Variants in DPP6 observed in about 807,000 individuals in gnomAD.
DPP6 encodes the protein A-type potassium channel modulatory protein DPP6.
Under a neutral mutation model 122.6 loss-of-function variants are expected in DPP6, and 69 were observed. The observed-to-expected ratio is 0.56, with a 90% CI of 0.46 to 0.69. The LOEUF is 0.69. Ranked by LOEUF, DPP6 falls within the 30% of genes least tolerant of loss-of-function variation. The pLI is 0.00. For missense variants in DPP6, 928 were observed against 1,116.9 expected, an observed-to-expected ratio of 0.83 and a Z score of 2.41; for synonymous variants, 418 against 433.1, an observed-to-expected ratio of 0.97 and a Z score of 0.43.
chr7:153,870,782 T>C, the DPP6 span, among the ~76,000 whole-genome samples: 1 of 152,252 alleles, frequency 6.6e-6, no homozygotes, highest in African/African-American at 2.4e-5. Context: ...TTTGTGGTTT[T>C]ATCTACCTTT....
chr7:153,895,762 AC>A (rs1354030940), intron 1 of DPP6, among the ~76,000 whole-genome samples: 11 of 136,922 alleles, frequency 8.0e-5, no homozygotes, highest in Non-Finnish European at 3.2e-5. Flanking sequence ...ACACACACAC[AC>A]AATGTTCATA....
intron 7 of DPP6, among the ~76,000 whole-genome samples, chr7:154,702,636 A>G (rs1840589039): frequency 6.6e-6 from 1 of 152,242 alleles, no homozygotes; most frequent in Admixed American, 6.5e-5. Flanking sequence ...TGTGAAGGCC[A>G]AGGGAGGTAA....
chr7:154,154,385 T>C (rs78939295), intron 1 of DPP6, among the ~76,000 whole-genome samples: 1 of 152,066 alleles, frequency 6.6e-6, no homozygotes, highest in Admixed American at 6.5e-5. Context: ...CTCTGGACAA[T>C]AATAATGATA....
chr7:153,973,632 CGTGTGTGTGTGTGT>C (rs773321136), intron 1 of DPP6, among the ~76,000 whole-genome samples: 145 of 113,514 alleles, frequency 1.3e-3, no homozygotes, highest in African/African-American at 3.9e-3. Context: ...CACCATCGCT[CGTGTGTGTGTGTGT>C]GTGTGTGTGT....
At chr7:154,749,605 A>C (rs1329166403) in intron 8 of DPP6, among the ~76,000 whole-genome samples, 12 of 132,208 alleles carry the variant, frequency 9.1e-5, no homozygotes, top group African/African-American at 2.9e-4. Flanking sequence ...AGAGGGATGG[A>C]GGCTTTACTG....
At chr7:154,841,243 G>A (rs936087165) in intron 16 of DPP6, among the ~76,000 whole-genome samples, 8 of 152,244 alleles carry the variant, frequency 5.3e-5, no homozygotes, top group East Asian at 3.9e-4. Flanking sequence ...CAGTCGGGGC[G>A]AACGAAACAG....
chr7:154,788,264 C>T (rs531622985), intron 10 of DPP6, among the ~76,000 whole-genome samples: 31 of 151,984 alleles, frequency 2.0e-4, no homozygotes, highest in Admixed American at 1.0e-3. Context: ...GCCAACAAGG[C>T]GAAACCCCCT....
chr7:154,655,456 A>C (rs986444635), intron 6 of DPP6, among the ~76,000 whole-genome samples: 2 of 152,150 alleles, frequency 1.3e-5, no homozygotes, highest in Non-Finnish European at 2.9e-5. Context: ...ATCTCTACCC[A>C]GGAGATGATT....
At chr7:153,763,583 C>T in the DPP6 span, among the ~76,000 whole-genome samples, 3 of 152,058 alleles carry the variant, frequency 2.0e-5, no homozygotes, top group Non-Finnish European at 4.4e-5. Flanking sequence ...AGGAGATATA[C>T]TTTGGGGAGA....
intron 1 of DPP6, among the ~76,000 whole-genome samples, chr7:154,021,792 A>G (rs957565706): frequency 2.0e-5 from 3 of 152,076 alleles, no homozygotes; most frequent in African/African-American, 7.2e-5. Context: ...CAGCTCCTGG[A>G]CTCTAAGCCT....
chr7:153,762,223 A>G, the DPP6 span, among the ~76,000 whole-genome samples: 1 of 152,242 alleles, frequency 6.6e-6, no homozygotes, highest in African/African-American at 2.4e-5. Flanking sequence ...AATAGATTCT[A>G]ATTCCCTGCA....
At chr7:154,564,006 A>T (rs1408719757) in intron 4 of DPP6, among the ~76,000 whole-genome samples, 1 of 152,158 alleles carries the variant, frequency 6.6e-6, no homozygotes, top group Non-Finnish European at 1.5e-5. Context: ...GCTCAAGAAA[A>T]CAAGGAGAAG....
At chr7:154,887,127 T>C (rs1421203146) in intron 22 of DPP6, among the ~76,000 whole-genome samples, 2 of 152,176 alleles carry the variant, frequency 1.3e-5, no homozygotes, top group African/African-American at 4.8e-5. Context: ...CAGCCAGTCC[T>C]CTTCATTGTC....
intron 1 of DPP6, among the ~76,000 whole-genome samples, chr7:154,207,087 A>T (rs1177739267): frequency 1.3e-5 from 2 of 152,136 alleles, no homozygotes; most frequent in African/African-American, 2.4e-5. Context: ...GAAGAATTTG[A>T]TGAGGGCATT....
chr7:154,033,188 C>G (rs1799347671), intron 1 of DPP6, among the ~76,000 whole-genome samples: 2 of 152,212 alleles, frequency 1.3e-5, no homozygotes, highest in African/African-American at 4.8e-5. Context: ...GCCACCAGGG[C>G]TCCAGGGCCT....
chr7:154,538,281 C>T (rs1586573453), intron 3 of DPP6, among the ~76,000 whole-genome samples: 2 of 152,050 alleles, frequency 1.3e-5, no homozygotes, highest in Non-Finnish European at 2.9e-5. Flanking sequence ...GCAGGATGTG[C>T]AGGTTTGTAG....
At chr7:154,231,704 TG>T (rs1242556076) in intron 1 of DPP6, among the ~76,000 whole-genome samples, 1 of 152,088 alleles carries the variant, frequency 6.6e-6, no homozygotes, top group Non-Finnish European at 1.5e-5. Context: ...GACTACCTGT[TG>T]TCTCTCTCCT....
At chr7:154,458,357 C>T (rs961408740) in intron 2 of DPP6, among the ~76,000 whole-genome samples, 7 of 152,192 alleles carry the variant, frequency 4.6e-5, no homozygotes, top group Admixed American at 6.5e-5. Flanking sequence ...CTTTGCTCCT[C>T]CTTTGCCTTC....
intron 1 of DPP6, among the ~76,000 whole-genome samples, chr7:154,207,250 A>G (rs115356465): frequency 6.6e-6 from 1 of 152,346 alleles, no homozygotes; most frequent in African/African-American, 2.4e-5. Flanking sequence ...GTGAAAACCC[A>G]ATCATAGGCA....
Sources: gnomAD v4.1 joint callset for allele counts (sites outside exome capture counted in the v4.1 genomes callset) on GRCh38, gnomAD v4.1.1 for gene constraint, MANE v1.5 for transcripts, NCBI Gene and HGNC (gene_info 2026-07-23, HGNC 2026-07-21) for gene names.